Variants in FHIT observed in about 807,000 individuals in gnomAD.
The protein encoded by FHIT is bis(5'-adenosyl)-triphosphatase.
In FHIT, 19 loss-of-function variants were observed where a neutral mutation model predicts 17.9. The observed-to-expected ratio is 1.06, with a 90% confidence interval of 0.74 to 1.56. The LOEUF is 1.56. Ranked by LOEUF, FHIT falls within the 40% of genes most tolerant of loss-of-function variation. The probability of loss-of-function intolerance (pLI) is 0.00; values close to 1 mark genes in which losing one functional copy is unlikely to be tolerated. For synonymous variants in FHIT, 81 were observed against 69.7 expected (o/e 1.16, Z -0.81); for missense variants, 248 against 189.2 (o/e 1.31, Z -1.82).
At chr3:60,329,760 C>A (rs928916426) in intron 5 of FHIT, among the ~76,000 whole-genome samples, 1 of 152,212 alleles carries the variant, frequency 6.6e-6, no homozygotes, top group Admixed American at 6.5e-5. Flanking sequence ...ATTCTAGCTA[C>A]ATGTCACCTC....
chr3:60,043,669 T>TAGAC (rs1559577148), intron 5 of FHIT, among the ~76,000 whole-genome samples: 1 of 143,378 alleles, frequency 7.0e-6, no homozygotes, highest in African/African-American at 2.5e-5. Flanking sequence ...ATGTTATAGA[T>TAGAC]AGACAGATAG....
chr3:59,806,734 G>C (rs114310607), intron 8 of FHIT, among the ~76,000 whole-genome samples: 14,924 of 150,370 alleles, frequency 0.099, 822 homozygotes, highest in Non-Finnish European at 0.12. Context: ...ACATATATAT[G>C]TGTATCTCCC....
chr3:60,254,097 ACT>A (rs1218659447), intron 5 of FHIT, among the ~76,000 whole-genome samples: 1 of 151,984 alleles, frequency 6.6e-6, no homozygotes, highest in Non-Finnish European at 1.5e-5. Flanking sequence ...ATAGGCACAC[ACT>A]CAGCAATATC....
intron 5 of FHIT, among the ~76,000 whole-genome samples, chr3:60,277,616 C>A (rs1029181924): frequency 6.6e-6 from 1 of 152,164 alleles, no homozygotes; most frequent in East Asian, 1.9e-4. Flanking sequence ...AAACATCACA[C>A]CTCGTCCAAC....
At chr3:60,681,737 A>G (rs910207694) in intron 4 of FHIT, among the ~76,000 whole-genome samples, 9 of 152,196 alleles carry the variant, frequency 5.9e-5, no homozygotes, top group African/African-American at 2.2e-4. Context: ...CCCTTAACCC[A>G]AGGCTTAAAC....
chr3:60,612,856 T>A (rs996831041), intron 4 of FHIT, among the ~76,000 whole-genome samples: 7 of 152,210 alleles, frequency 4.6e-5, no homozygotes, highest in African/African-American at 1.7e-4. Flanking sequence ...ACTATGTCTA[T>A]ACACAGCCTT....
intron 1 of FHIT, among the ~76,000 whole-genome samples, chr3:61,209,508 G>A (rs934510666): frequency 7.0e-6 from 1 of 141,912 alleles, no homozygotes; most frequent in Admixed American, 7.4e-5. Context: ...TGGAGGCTTT[G>A]TTTGTTTCTT....
chr3:60,080,840 T>G (rs1320720177), intron 5 of FHIT: 1 of 152,226 alleles, frequency 6.6e-6, no homozygotes, highest in African/African-American at 2.4e-5. Context: ...ATGCAGTGAT[T>G]GTGTTAGATG....
intron 3 of FHIT, among the ~76,000 whole-genome samples, chr3:60,899,673 A>C (rs1706005220): frequency 6.6e-6 from 1 of 152,156 alleles, no homozygotes; most frequent in African/African-American, 2.4e-5. Flanking sequence ...TTCAACAGTC[A>C]CTCAATAATA....
intron 5 of FHIT, among the ~76,000 whole-genome samples, chr3:60,067,059 G>C (rs1379186926): frequency 6.6e-6 from 1 of 152,066 alleles, no homozygotes; most frequent in East Asian, 1.9e-4. Flanking sequence ...CTAGAAAATA[G>C]ATGCACCTGT....
intron 5 of FHIT, among the ~76,000 whole-genome samples, chr3:60,182,428 G>C (rs911460581): frequency 1.3e-5 from 2 of 152,092 alleles, no homozygotes; most frequent in South Asian, 4.1e-4. Context: ...CTTCATATTA[G>C]GTTGCATCTA....
chr3:60,976,096 C>CTTTTTTTTTTTTTTTTTTTTTT lies in FHIT; in HGVS notation c.-111+65929_-111+65950dup, dbSNP rs869239307. On this transcript the variant is annotated intron_variant, in intron 3 of 9. Transcript: ENST00000492590. The stretch of plus-strand genomic sequence containing the variant: ...CTTTGTATCTTTCGTTTTTCTTTTT[C>CTTTTTTTTTTTTTTTTTTTTTT]TTTTTTTTTTTTTTTTTTTTTTTTT... Among the ~76,000 whole-genome samples, 342 of 66,796 alleles carry CTTTTTTTTTTTTTTTTTTTTTT rather than the reference C, an allele frequency of 5.1e-3. 66 individuals are homozygous for CTTTTTTTTTTTTTTTTTTTTTT. Among genetic ancestry groups the CTTTTTTTTTTTTTTTTTTTTTT allele is most frequent in the Middle Eastern group, 0.029 (2 of 70 alleles). The allele number at this position is 66,796 out of a possible 152,430, so 43.8% of individuals were successfully genotyped here. A position where few individuals can be genotyped will look rare whatever the true frequency, so the allele number is the denominator to read the frequency against.
At chr3:59,864,383 G>A (rs928424467) in intron 8 of FHIT, among the ~76,000 whole-genome samples, 1 of 152,148 alleles carries the variant, frequency 6.6e-6, no homozygotes. Context: ...CACCATGTAA[G>A]AAGTGCCTTT....
chr3:61,089,824 CT>C lies in FHIT; in HGVS notation c.-163-47726del, dbSNP rs2035425044. Among the ~76,000 whole-genome samples the C allele has an allele frequency of 3.9e-5, 6 of 152,164 alleles. No homozygotes were observed. The South Asian group carries it at 1.2e-3, about 32-fold the overall frequency. ...GATTTCAATTTGACATAAGAAAAAT[CT>C]TTCAACAGTGTTATCCAAAGACAGA... On this transcript the variant is annotated intron_variant, in intron 2 of 9. Transcript: ENST00000492590.
chr3:60,530,882 C>T (rs1352721785), intron 5 of FHIT, among the ~76,000 whole-genome samples: 1 of 152,164 alleles, frequency 6.6e-6, no homozygotes, highest in Admixed American at 6.5e-5. Context: ...TCAGAAGCTG[C>T]TTGTAGCTGG....
intron 4 of FHIT, among the ~76,000 whole-genome samples, chr3:60,795,590 C>T (rs1341432053): frequency 6.6e-6 from 1 of 151,754 alleles, no homozygotes; most frequent in Non-Finnish European, 1.5e-5. Context: ...TCAGGGCTCA[C>T]TGCAGCCTAA....
At chr3:59,862,073 AACTGT>A (rs1200338808) in intron 8 of FHIT, among the ~76,000 whole-genome samples, 8 of 152,304 alleles carry the variant, frequency 5.3e-5, no homozygotes, top group African/African-American at 1.9e-4. Context: ...TTGAAAGCAA[AACTGT>A]ACTAGTTCAT....
intron 2 of FHIT, among the ~76,000 whole-genome samples, chr3:61,127,166 A>G (rs956721201): frequency 6.6e-5 from 10 of 152,196 alleles, no homozygotes; most frequent in Admixed American, 6.5e-4. Flanking sequence ...AGAATCAACC[A>G]AAAGATGTGA....
chr3:61,207,232 T>G (rs913343373), intron 1 of FHIT, among the ~76,000 whole-genome samples: 3 of 152,192 alleles, frequency 2.0e-5, no homozygotes, highest in African/African-American at 7.2e-5. Context: ...AGTATTTTAT[T>G]GAGGGTTTCT....
Sources: allele counts gnomAD v4.1 joint callset (sites outside exome capture counted in the v4.1 genomes callset), GRCh38; gene constraint gnomAD v4.1.1; transcripts MANE v1.5; gene names NCBI Gene and HGNC (gene_info 2026-07-23, HGNC 2026-07-21).